Variants in CCDC85A observed in about 807,000 individuals in gnomAD.
CCDC85A encodes coiled-coil domain containing 85A.
In CCDC85A, 38 loss-of-function variants were observed where a neutral mutation model predicts 50.2. The ratio of observed to expected loss-of-function variants is 0.76; its 90% CI spans 0.58 to 0.99. CCDC85A has a LOEUF of 0.99. Among genes scored for constraint, CCDC85A ranks in the 50% least tolerant of loss-of-function variants. The pLI, the probability that CCDC85A is intolerant of heterozygous loss-of-function variation, is 0.00. For missense variants in CCDC85A, 820 were observed against 742.0 expected (o/e 1.11, Z -1.22); for synonymous variants, 366 against 301.4 (o/e 1.21, Z -2.22).
In CCDC85A at chr2:56,286,928, T is replaced by C. The variant is rs1280589165; in HGVS notation, c.1241-55951T>C. 2.0e-5 allele frequency among the ~76,000 whole-genome samples: 3 copies of C among 152,198 alleles called. No individual in the cohort carries two copies. In the East Asian group the frequency reaches 5.8e-4, roughly 29 times the overall value. On this transcript the variant is annotated intron_variant, in intron 2 of 5. Coordinates refer to ENST00000407595, the MANE Select transcript of CCDC85A (RefSeq NM_001080433.2). ...GGACTTGGTTTTATTCCCCTTTAGG[T>C]TGGCTCTATTTTAGGTTTTATCCTT...
chr2:56,190,456 C>T (rs957727581), intron 1 of CCDC85A, among the ~76,000 whole-genome samples: 1 of 152,202 alleles, frequency 6.6e-6, no homozygotes. Context: ...GTTCTTGTGA[C>T]TCTAGAGAAG....
At chr2:56,342,757 T>C in intron 2 of CCDC85A, 122 bp from the exon 3 acceptor site, 1 of 536,408 alleles carries the variant, frequency 1.9e-6, no homozygotes, top group Non-Finnish European at 3.2e-6. Flanking sequence ...TTTTTTTTTC[T>C]CATTTTAAAT....
At chr2:56,225,889 T>A (rs1490962098) in intron 2 of CCDC85A, among the ~76,000 whole-genome samples, 2 of 152,200 alleles carry the variant, frequency 1.3e-5, no homozygotes, top group East Asian at 3.8e-4. Context: ...AATCCTTCTG[T>A]TATATAAAGA....
chr2:56,309,601 T>C (rs2104220071), intron 2 of CCDC85A, among the ~76,000 whole-genome samples: 1 of 152,302 alleles, frequency 6.6e-6, no homozygotes. Flanking sequence ...CTAGGACAGA[T>C]AAGTAAACTG....
chr2:56,358,187 CGTA>C (rs1305900492), intron 3 of CCDC85A, among the ~76,000 whole-genome samples: 1 of 152,114 alleles, frequency 6.6e-6, no homozygotes, highest in African/African-American at 2.4e-5. Context: ...CAAACCTCTG[CGTA>C]GTATTGGGGT....
At chr2:56,286,995 C>T (rs1238808447) in intron 2 of CCDC85A, among the ~76,000 whole-genome samples, 2 of 152,130 alleles carry the variant, frequency 1.3e-5, no homozygotes, top group African/African-American at 2.4e-5. Flanking sequence ...GTGGTGTTTT[C>T]TCCAAGGGGT....
At chr2:56,359,869 T>C (rs1675434344) in intron 3 of CCDC85A, among the ~76,000 whole-genome samples, 1 of 152,230 alleles carries the variant, frequency 6.6e-6, no homozygotes, top group African/African-American at 2.4e-5. Flanking sequence ...GGTGTTTTAG[T>C]TGGTTGTTTC....
chr2:56,309,597 C>G (rs191364399), intron 2 of CCDC85A, among the ~76,000 whole-genome samples: 161 of 152,216 alleles, frequency 1.1e-3, no homozygotes, highest in African/African-American at 3.5e-3. Context: ...TGAACTAGGA[C>G]AGATAAGTAA....
chr2:56,316,485 T>C (rs557082999), intron 2 of CCDC85A, among the ~76,000 whole-genome samples: 2 of 152,268 alleles, frequency 1.3e-5, no homozygotes, highest in Admixed American at 6.5e-5. Context: ...AACTTTGTTA[T>C]TTACAAAATT....
intron 2 of CCDC85A, among the ~76,000 whole-genome samples, chr2:56,218,744 G>A (rs956167949): frequency 9.9e-5 from 15 of 151,536 alleles, no homozygotes; most frequent in Non-Finnish European, 1.3e-4. Flanking sequence ...CTTTCATCTG[G>A]TACAATTCCT....
chr2:56,257,822 T>G (rs560216648), intron 2 of CCDC85A, among the ~76,000 whole-genome samples: 1 of 152,250 alleles, frequency 6.6e-6, no homozygotes, highest in South Asian at 2.1e-4. Context: ...TCTCTGAACC[T>G]GACATGGAGG....
chr2:56,276,046 C>T (rs1450491289), intron 2 of CCDC85A, among the ~76,000 whole-genome samples: 2 of 152,144 alleles, frequency 1.3e-5, no homozygotes, highest in Non-Finnish European at 2.9e-5. Flanking sequence ...AAGGATTTCA[C>T]AGTTAATCAA....
intron 2 of CCDC85A, among the ~76,000 whole-genome samples, chr2:56,210,024 C>T (rs1677120095): frequency 6.6e-6 from 1 of 152,174 alleles, no homozygotes; most frequent in Non-Finnish European, 1.5e-5. Flanking sequence ...GGAGATATCT[C>T]AGTCCTCACT....
At position 56,326,673 on chromosome 2, in the gene CCDC85A, TA is replaced by T. The variant is rs1266267590; in HGVS notation, c.1241-16198del. Among the ~76,000 whole-genome samples, 3 of 151,860 alleles carry T rather than the reference TA, an allele frequency of 2.0e-5. No individual in the cohort carries two copies. The East Asian group carries it at 5.8e-4, about 29-fold the overall frequency. On this transcript the variant is annotated intron_variant, in intron 2 of 5. Transcript: ENST00000407595. Reference sequence around the variant, plus strand: ...TTATTTCAATTTTACTACCAAAAGTTAAAAAAAACCCTGACACATTGTTTAG... The same window carrying T: ...TTATTTCAATTTTACTACCAAAAGTTAAAAAAACCCTGACACATTGTTTAG...
At chr2:56,356,375 A>G (rs1206471070) in intron 3 of CCDC85A, among the ~76,000 whole-genome samples, 3 of 152,232 alleles carry the variant, frequency 2.0e-5, no homozygotes, top group Admixed American at 6.5e-5. Context: ...TCCCATTTTA[A>G]TACATGATTC....
intron 2 of CCDC85A, among the ~76,000 whole-genome samples, chr2:56,244,241 G>A (rs1272844989): frequency 2.0e-5 from 3 of 152,040 alleles, no homozygotes; most frequent in Non-Finnish European, 2.9e-5. Flanking sequence ...AATCTACCTG[G>A]TGCTCTATTC....
intron 2 of CCDC85A, among the ~76,000 whole-genome samples, chr2:56,206,433 C>A (rs539090404): frequency 6.6e-6 from 1 of 152,202 alleles, no homozygotes; most frequent in South Asian, 2.1e-4. Flanking sequence ...GTTTATTTGG[C>A]TCATGATTCT....
chr2:56,373,292 C>T (rs1484369496), intron 4 of CCDC85A, among the ~76,000 whole-genome samples: 2 of 151,840 alleles, frequency 1.3e-5, no homozygotes, highest in Non-Finnish European at 2.9e-5. Context: ...AACATTCATC[C>T]CTAAATGATG....
intron 2 of CCDC85A, among the ~76,000 whole-genome samples, chr2:56,245,076 G>A (rs545926075): frequency 6.6e-6 from 1 of 152,302 alleles, no homozygotes; most frequent in Admixed American, 6.5e-5. Flanking sequence ...ACCCTGACTG[G>A]TGTCTCACTA....
Sources: gnomAD v4.1 joint callset for allele counts (sites outside exome capture counted in the v4.1 genomes callset) on GRCh38, gnomAD v4.1.1 for gene constraint, MANE v1.5 for transcripts, NCBI Gene and HGNC (gene_info 2026-07-23, HGNC 2026-07-21) for gene names.